The following CFAP61 variants were observed in gnomAD, a reference collection of about 807,000 sequenced individuals.
CFAP61 encodes the protein cilia and flagella associated protein 61.
CFAP61 carries 107 observed loss-of-function variants against 135.6 expected under a neutral mutation model. That is an observed-to-expected ratio of 0.79 (90% CI 0.67 to 0.93). CFAP61 has a LOEUF of 0.93. Among genes scored for constraint, CFAP61 ranks in the 40% least tolerant of loss-of-function variants. CFAP61 has a pLI of 0.00. For synonymous variants in CFAP61, 575 were observed against 578.5 expected, an observed-to-expected ratio of 0.99 and a Z score of 0.09; for missense variants, 1,507 against 1,556.2, an observed-to-expected ratio of 0.97 and a Z score of 0.53.
chr20:20,251,336 C>T (rs2050883160), intron 19 of CFAP61, among the ~76,000 whole-genome samples: 1 of 151,730 alleles, frequency 6.6e-6, no homozygotes, highest in African/African-American at 2.4e-5. Context: ...CAGATAAACA[C>T]ACACACACAC....
chr20:20,091,121 AC>A, intron 7 of CFAP61, 145 bp downstream of exon 7: 2 of 889,066 alleles, frequency 2.2e-6, no homozygotes, highest in Non-Finnish European at 3.6e-6. Flanking sequence ...CAGGTGGTGC[AC>A]CAGGCCAGCT....
intron 17 of CFAP61, among the ~76,000 whole-genome samples, chr20:20,225,777 A>G (rs1012549175): frequency 7.2e-5 from 11 of 152,174 alleles, no homozygotes; most frequent in Non-Finnish European, 1.5e-4. Flanking sequence ...ATTACAACAC[A>G]TATGCTTCCC....
intron 17 of CFAP61, among the ~76,000 whole-genome samples, chr20:20,205,355 G>A (rs193073253): frequency 1.3e-5 from 2 of 152,248 alleles, no homozygotes; most frequent in East Asian, 1.9e-4. Flanking sequence ...AGGAGAGCAG[G>A]TAAATAACTT....
chr20:20,071,938 G>A (rs1284427401), intron 3 of CFAP61, among the ~76,000 whole-genome samples: 1 of 151,986 alleles, frequency 6.6e-6, no homozygotes, highest in Admixed American at 6.6e-5. Context: ...CTTTGGTTGA[G>A]TAGCCTGTTT....
In CFAP61 at chr20:20,148,085, T is replaced by C. The variant is rs137953343; in HGVS notation, c.951+5137T>C. On this transcript the variant is annotated intron_variant, in intron 9 of 26. Transcript: ENST00000245957. ...TTAAGTATTTGGCTTTATTTCTGGG[T>C]TCTCTGTTCTGTTCTGTTGGTCTAC... 2.5e-4 allele frequency among the ~76,000 whole-genome samples: 38 copies of C among 152,292 alleles called. No individual in the cohort carries two copies. In the East Asian group the frequency reaches 7.3e-3, roughly 29 times the overall value.
At chr20:20,315,141 A>C (rs1024898354) in intron 25 of CFAP61, among the ~76,000 whole-genome samples, 9 of 151,366 alleles carry the variant, frequency 5.9e-5, no homozygotes, top group South Asian at 2.1e-4. Flanking sequence ...GAACTAGTTT[A>C]CAGTCCCACC....
chr20:20,313,469 T>G (rs2056943461), intron 25 of CFAP61, among the ~76,000 whole-genome samples: 1 of 152,126 alleles, frequency 6.6e-6, no homozygotes, highest in Non-Finnish European at 1.5e-5. Context: ...CAGAGGGTGT[T>G]TTGCTCTTTC....
intron 15 of CFAP61, 44 bp from the exon 16 acceptor site, chr20:20,196,526 G>C: frequency 2.1e-6 from 3 of 1,421,976 alleles, no homozygotes; most frequent in Non-Finnish European, 3.0e-6. Flanking sequence ...CATGCCGTTT[G>C]TTTAAAATGC....
intron 18 of CFAP61, among the ~76,000 whole-genome samples, chr20:20,240,771 C>A (rs1007741991): frequency 6.6e-6 from 1 of 152,170 alleles, no homozygotes; most frequent in Non-Finnish European, 1.5e-5. Context: ...TTTCCAGACT[C>A]CCTGCTTCTC....
intron 13 of CFAP61, among the ~76,000 whole-genome samples, chr20:20,181,078 T>C (rs944049429): frequency 6.6e-6 from 1 of 151,744 alleles, no homozygotes; most frequent in African/African-American, 2.4e-5. Context: ...ACCTGGGTGA[T>C]AAATAATCTC....
chr20:20,131,509 T>C (rs147186151), intron 8 of CFAP61, among the ~76,000 whole-genome samples: 14 of 152,228 alleles, frequency 9.2e-5, no homozygotes, highest in African/African-American at 2.6e-4. Context: ...ATATTGAGTA[T>C]TTGTGTTCAT....
At chr20:20,335,085 G>A (rs2058131978) in intron 25 of CFAP61, among the ~76,000 whole-genome samples, 1 of 152,180 alleles carries the variant, frequency 6.6e-6, no homozygotes, top group African/African-American at 2.4e-5. Flanking sequence ...CTGCAGTTAA[G>A]CCAGGTCGGG....
chr20:20,197,374 G>C (rs1352667000), intron 16 of CFAP61, among the ~76,000 whole-genome samples: 1 of 152,164 alleles, frequency 6.6e-6, no homozygotes, highest in Non-Finnish European at 1.5e-5. Context: ...TGCACAGATA[G>C]CAAGTCCTCC....
intron 8 of CFAP61, among the ~76,000 whole-genome samples, chr20:20,132,924 G>C (rs1361738862): frequency 6.6e-6 from 1 of 151,920 alleles, no homozygotes; most frequent in Non-Finnish European, 1.5e-5. Flanking sequence ...GAGTTTGGTA[G>C]GCTTTGTTTT....
At chr20:20,219,722 T>C (rs2048271667) in intron 17 of CFAP61, among the ~76,000 whole-genome samples, 1 of 152,244 alleles carries the variant, frequency 6.6e-6, no homozygotes, top group Admixed American at 6.5e-5. Context: ...GATTAGTTCA[T>C]ATATTTCTTT....
At chr20:20,325,775 A>C (rs1036215903) in intron 25 of CFAP61, among the ~76,000 whole-genome samples, 2 of 152,196 alleles carry the variant, frequency 1.3e-5, no homozygotes, top group South Asian at 2.1e-4. Context: ...TAGTTTTTGT[A>C]AGAAACCACC....
intron 9 of CFAP61, 41 bp downstream of exon 9, chr20:20,142,989 G>A (rs767917874): frequency 8.2e-7 from 1 of 1,219,870 alleles, no homozygotes; most frequent in African/African-American, 1.5e-5. Flanking sequence ...TGGGGGGATG[G>A]GCCTGGGGGC....
chr20:20,056,253 G>A (rs1509574), intron 1 of CFAP61, among the ~76,000 whole-genome samples: 21,543 of 152,226 alleles, frequency 0.14, 1,667 homozygotes, highest in East Asian at 0.22. Flanking sequence ...GCAGCTGTCA[G>A]TATTTCCCCA....
intron 8 of CFAP61, among the ~76,000 whole-genome samples, chr20:20,108,228 T>C (rs112107814): frequency 0.015 from 2,313 of 152,304 alleles, 37 homozygotes; most frequent in Middle Eastern, 0.058. Context: ...GAGTACAATT[T>C]AGTCATGGTT....
Sources: gnomAD v4.1 joint callset for allele counts (sites outside exome capture counted in the v4.1 genomes callset) on GRCh38, gnomAD v4.1.1 for gene constraint, MANE v1.5 for transcripts, NCBI Gene and HGNC (gene_info 2026-07-23, HGNC 2026-07-21) for gene names.